Variants in DLG2 observed in about 807,000 individuals in gnomAD.
The protein encoded by DLG2 is discs large MAGUK scaffold protein 2, also known as disks large homolog 2.
In DLG2, 45 loss-of-function variants were observed where a neutral mutation model predicts 132.5. The ratio of observed to expected loss-of-function variants is 0.34; its 90% CI spans 0.27 to 0.44. The LOEUF (loss-of-function observed/expected upper bound fraction) is 0.44, where lower values mean the gene tolerates loss of function less well. Among genes scored for constraint, DLG2 ranks in the 20% least tolerant of loss-of-function variants. DLG2 has a pLI of 1.00. For synonymous variants in DLG2, 424 were observed against 419.6 expected (o/e 1.01, Z -0.13); for missense variants, 1,045 against 1,196.9 (o/e 0.87, Z 1.87).
chr11:83,767,917 G>A (rs7928392), intron 18 of DLG2, among the ~76,000 whole-genome samples: 6,214 of 152,218 alleles, frequency 0.041, 427 homozygotes, highest in African/African-American at 0.14. Context: ...CTATCACAAG[G>A]TCATGCAGCT....
At chr11:84,466,671 G>A (rs529257074) in intron 7 of DLG2, among the ~76,000 whole-genome samples, 5 of 151,460 alleles carry the variant, frequency 3.3e-5, no homozygotes, top group African/African-American at 1.2e-4. Context: ...CATATTTCTA[G>A]TGGGGGTACT....
intron 17 of DLG2, among the ~76,000 whole-genome samples, chr11:83,800,480 T>C (rs1243349205): frequency 2.0e-5 from 3 of 152,208 alleles, no homozygotes; most frequent in Non-Finnish European, 4.4e-5. Context: ...CTTCCCCTCC[T>C]GGAGGCTGTT....
At chr11:83,991,450 C>A (rs937769591) in intron 11 of DLG2, among the ~76,000 whole-genome samples, 1 of 152,154 alleles carries the variant, frequency 6.6e-6, no homozygotes, top group African/African-American at 2.4e-5. Context: ...TCTGCTTTCC[C>A]TTTGTTCAAA....
At chr11:84,771,486 A>C (rs893666824) in intron 6 of DLG2, among the ~76,000 whole-genome samples, 6 of 152,260 alleles carry the variant, frequency 3.9e-5, no homozygotes, top group Non-Finnish European at 7.4e-5. Flanking sequence ...AATTTGTTTA[A>C]GTTCCTTCCA....
chr11:83,455,530 A>G lies in DLG2; in HGVS notation c.*4288T>C, dbSNP rs2088814882. On this transcript the variant is annotated 3_prime_UTR_variant, in exon 28 of 28. Coordinates refer to ENST00000376104, the MANE Select transcript of DLG2 (RefSeq NM_001142699.3). The stretch of plus-strand genomic sequence containing the variant: ...TCATGAGTTGCTAGGGAGATACTAT[A>G]CTCTTTAGATGATCTTTGTCTAAAT... 6.6e-6 allele frequency: 1 copy of G among 152,440 alleles called. No individual in the cohort carries two copies. The highest frequency in any genetic ancestry group is 6.5e-5 in the Admixed American group (1 of 15,272). 9.4% of individuals were successfully genotyped at this position (152,440 alleles called of 1,614,324 possible).
intron 19 of DLG2, among the ~76,000 whole-genome samples, chr11:83,562,605 A>T (rs2096631444): frequency 6.6e-6 from 1 of 152,202 alleles, no homozygotes; most frequent in Admixed American, 6.5e-5. Flanking sequence ...GTTGGATTTT[A>T]TTAGTTTATT....
At chr11:84,036,992 T>G (rs1363294120) in intron 11 of DLG2, among the ~76,000 whole-genome samples, 1 of 152,280 alleles carries the variant, frequency 6.6e-6, no homozygotes, top group African/African-American at 2.4e-5. Flanking sequence ...AAGATCATTA[T>G]CAATCTTGCT....
At chr11:84,793,776 CTA>C (rs965692953) in intron 6 of DLG2, among the ~76,000 whole-genome samples, 1 of 151,764 alleles carries the variant, frequency 6.6e-6, no homozygotes, top group Admixed American at 6.6e-5. Context: ...TATTTTTATT[CTA>C]TGTGTTTCTT....
intron 3 of DLG2, among the ~76,000 whole-genome samples, chr11:85,292,624 CGAAGGAAG>C (rs1409506457): frequency 3.5e-4 from 5 of 14,460 alleles, no homozygotes; most frequent in African/African-American, 8.7e-4. Flanking sequence ...AAAGCACAAC[CGAAGGAAG>C]GAAGGAAGGA....
chr11:83,868,757 C>T (rs915213331), intron 16 of DLG2, among the ~76,000 whole-genome samples: 2 of 152,146 alleles, frequency 1.3e-5, no homozygotes, highest in African/African-American at 4.8e-5. Context: ...TCAAAGAGCA[C>T]TTCCATAATT....
intron 19 of DLG2, among the ~76,000 whole-genome samples, chr11:83,546,853 C>T (rs2096254732): frequency 6.6e-6 from 1 of 152,082 alleles, no homozygotes; most frequent in African/African-American, 2.4e-5. Context: ...TCACAGCTAT[C>T]CTGCAGTGCA....
At chr11:84,023,677 T>C (rs957648875) in intron 11 of DLG2, among the ~76,000 whole-genome samples, 1 of 152,152 alleles carries the variant, frequency 6.6e-6, no homozygotes, top group Non-Finnish European at 1.5e-5. Flanking sequence ...ACCCCACAGA[T>C]GAACTGCATA....
At chr11:85,535,934 G>A (rs1003806103) in intron 3 of DLG2, among the ~76,000 whole-genome samples, 3 of 149,720 alleles carry the variant, frequency 2.0e-5, no homozygotes, top group South Asian at 4.2e-4. Flanking sequence ...GTTTAAAATA[G>A]TCCAAGTGTG....
At chr11:85,139,694 AC>A (rs1231188586) in intron 5 of DLG2, among the ~76,000 whole-genome samples, 1 of 152,034 alleles carries the variant, frequency 6.6e-6, no homozygotes, top group African/African-American at 2.4e-5. Context: ...CAATGTTATT[AC>A]CTACAGTCCT....
chr11:83,701,526 T>C (rs1447648963), intron 18 of DLG2, among the ~76,000 whole-genome samples: 1 of 152,112 alleles, frequency 6.6e-6, no homozygotes, highest in Non-Finnish European at 1.5e-5. Context: ...GAATAAGACA[T>C]AGTCCTTGTA....
chr11:84,571,703 T>C (rs2099485503), intron 6 of DLG2, among the ~76,000 whole-genome samples: 1 of 152,132 alleles, frequency 6.6e-6, no homozygotes, highest in Non-Finnish European at 1.5e-5. Context: ...AAATTCTAGT[T>C]ATAGTTAATA....
At chr11:83,665,884 G>T (rs573197977) in intron 18 of DLG2, among the ~76,000 whole-genome samples, 1 of 151,996 alleles carries the variant, frequency 6.6e-6, no homozygotes, top group South Asian at 2.1e-4. Context: ...TCAAAAACAC[G>T]AAGAAGTGAT....
intron 6 of DLG2, among the ~76,000 whole-genome samples, chr11:84,750,664 C>G (rs888758192): frequency 2.6e-5 from 4 of 152,134 alleles, no homozygotes; most frequent in Non-Finnish European, 5.9e-5. Context: ...TCATAGTCAT[C>G]ATTTCCCAGT....
intron 4 of DLG2, among the ~76,000 whole-genome samples, chr11:85,186,658 G>A (rs905503539): frequency 6.6e-6 from 1 of 152,098 alleles, no homozygotes; most frequent in Non-Finnish European, 1.5e-5. Context: ...GTGTATTCAT[G>A]TTGTGATAAT....
Sources: allele counts gnomAD v4.1 joint callset (sites outside exome capture counted in the v4.1 genomes callset), GRCh38; gene constraint gnomAD v4.1.1; transcripts MANE v1.5; gene names NCBI Gene and HGNC (gene_info 2026-07-23, HGNC 2026-07-21).